The following NCKAP1 variants were observed in gnomAD, a reference collection of about 807,000 sequenced individuals.
NCKAP1 encodes NCK associated protein 1.
In NCKAP1, 21 loss-of-function variants were observed where a neutral mutation model predicts 151.2. The ratio of observed to expected loss-of-function variants is 0.14; its 90% CI spans 0.10 to 0.20. The LOEUF is 0.20. NCKAP1 is among the 10% of genes least tolerant of loss of function. NCKAP1 has a pLI of 1.00. For missense variants in NCKAP1, 933 were observed against 1,352.1 expected (o/e 0.69, Z 4.86); for synonymous variants, 484 against 451.8 (o/e 1.07, Z -0.90).
chr2:183,015,993 C>T (rs1350171942), intron 2 of NCKAP1, among the ~76,000 whole-genome samples: 1 of 151,986 alleles, frequency 6.6e-6, no homozygotes. Flanking sequence ...GTAAATTGAG[C>T]AAGCTAAATC....
intron 9 of NCKAP1, among the ~76,000 whole-genome samples, chr2:182,988,811 T>A (rs1698108500): frequency 6.6e-6 from 1 of 152,178 alleles, no homozygotes; most frequent in African/African-American, 2.4e-5. Context: ...AAAGGTCAGG[T>A]AACCTCAGTT....
rs776676496 is a variant in NCKAP1 at position 182,953,299 on chromosome 2, G to A, written c.2186C>T (p.Ala729Val). 5 of 1,613,284 alleles carry A rather than the reference G, an allele frequency of 3.1e-6. No homozygotes were observed. In the Admixed American group the frequency reaches 5.0e-5, roughly 16 times the overall value. ...TGAAGGTTTTGCAATTTCCTGTGTG[G>A]CTTGATTATACATAGTCATCCCAAC... Reference protein sequence around the residue: ...SIVGMTMYNQATQEIAKPSEL... With the variant: ...SIVGMTMYNQVTQEIAKPSEL... The change falls in exon 21 of 31, where the codon GCC becomes GTC. Residue 729 changes from alanine (A) to valine (V), a missense_variant. Around this residue, in one of 2 missense-constraint regions of NCKAP1, gnomAD observed 326 missense variants for 557.1 expected, o/e 0.59. Transcript: ENST00000361354.
rs1408097522 is a variant in NCKAP1 at position 182,924,453 on chromosome 2, A to C, written c.*1249T>G. 1 of 152,200 alleles carries C rather than the reference A, an allele frequency of 6.6e-6. No individual in the cohort carries two copies. Among genetic ancestry groups the C allele is most frequent in the African/African-American group, 2.4e-5 (1 of 41,452 alleles). The allele number at this position is 152,200 out of a possible 1,614,324, so 9.4% of individuals were successfully genotyped here. On this transcript the variant is annotated 3_prime_UTR_variant, in exon 31 of 31. Coordinates refer to ENST00000361354, the MANE Select transcript of NCKAP1 (RefSeq NM_013436.5). ...GAGCAAAACATTGGGTTAGTTTTCA[A>C]ACTAAATGAGCTGCTTTGCCCTCCA...
chr2:182,981,651 G>A (rs58515193), intron 12 of NCKAP1, among the ~76,000 whole-genome samples: 7,363 of 152,140 alleles, frequency 0.048, 587 homozygotes, highest in African/African-American at 0.17. Flanking sequence ...GCTCACGACT[G>A]TAATTACAGC....
chr2:182,929,017 GTAAAC>G (rs1050885681), intron 27 of NCKAP1, 118 bp from the exon 28 acceptor site: 1 of 639,258 alleles, frequency 1.6e-6, no homozygotes, highest in African/African-American at 1.9e-5. Flanking sequence ...TTTTGAAATA[GTAAAC>G]TATTTTACTA....
At position 182,964,568 on chromosome 2, in the gene NCKAP1, G is replaced by A. The variant is rs926152261; in HGVS notation, c.1761+108C>T. On this transcript the variant is annotated intron_variant, in intron 17 of 30. Transcript: ENST00000361354. Reference sequence around the variant, plus strand: ...TCTGATTCTGCATAGAGATGTATTCGATGGGAAGCTAAGTTAGCTAATTAT... The same window carrying A: ...TCTGATTCTGCATAGAGATGTATTCAATGGGAAGCTAAGTTAGCTAATTAT... The A allele has an allele frequency of 1.0e-5, 9 of 868,042 alleles. No homozygotes were observed. In the East Asian group the frequency reaches 1.5e-4, roughly 14 times the overall value. 53.8% of individuals were successfully genotyped at this position (868,042 alleles called of 1,614,324 possible).
At chr2:182,999,499 AAC>A (rs1238351011) in intron 6 of NCKAP1, among the ~76,000 whole-genome samples, 1 of 152,200 alleles carries the variant, frequency 6.6e-6, no homozygotes, top group Non-Finnish European at 1.5e-5. Context: ...TCAAAAAAAT[AAC>A]AGATGTTGGC....
intron 2 of NCKAP1, among the ~76,000 whole-genome samples, chr2:183,012,610 T>A (rs1260019620): frequency 6.7e-6 from 1 of 149,098 alleles, no homozygotes; most frequent in Non-Finnish European, 1.5e-5. Context: ...CTGTCACTCA[T>A]CCCCTTACGC....
rs573943700 is a variant in NCKAP1, at chr2:182,998,136, G to A, written c.604-2298C>T. Among the ~76,000 whole-genome samples, 8 of 152,172 alleles carry A rather than the reference G, an allele frequency of 5.3e-5. 1 individual carries two copies. The highest frequency in any genetic ancestry group is 1.4e-4 in the African/African-American group (6 of 41,502). On this transcript the variant is annotated intron_variant, in intron 6 of 30. Transcript: ENST00000361354. ...TCGATAAAATCCAATATCCCTTCACGATAAAATGTTCAACTAACTAGGCAT... is the reference window on the plus strand; with the variant it reads ...TCGATAAAATCCAATATCCCTTCACAATAAAATGTTCAACTAACTAGGCAT...
intron 19 of NCKAP1, chr2:182,957,179 AAC>A (rs1697344787): frequency 3.7e-6 from 1 of 268,336 alleles, no homozygotes; most frequent in African/African-American, 2.2e-5. Flanking sequence ...CTTATAATGT[AAC>A]ACACAAAATT....
intron 2 of NCKAP1, among the ~76,000 whole-genome samples, chr2:183,015,979 G>C (rs1366214839): frequency 6.6e-6 from 1 of 151,958 alleles, no homozygotes; most frequent in East Asian, 1.9e-4. Flanking sequence ...GGAAGTAAGG[G>C]GAAGTAAATT....
At chr2:182,932,285 CA>C (rs143184514) in intron 26 of NCKAP1, among the ~76,000 whole-genome samples, 2,940 of 152,034 alleles carry the variant, frequency 0.019, 89 homozygotes, top group African/African-American at 0.063. Context: ...CATTATTCAA[CA>C]ATCATTAAAA....
At position 182,962,190 on chromosome 2, in the gene NCKAP1, A is replaced by T; in HGVS notation, c.1850T>A (p.Ile617Asn). The change falls in exon 18 of 31, where the codon ATT (isoleucine) becomes AAT (asparagine). Residue 617 changes from isoleucine (I) to asparagine (N), a missense_variant. Ile to Asn is a moderately radical substitution (Grantham distance 149). This residue lies in a region of NCKAP1 where 607 missense variants were observed against 795.0 expected (regional missense o/e 0.76). Transcript: ENST00000361354. ...ACTAAGGGTACACTGTTCTGTGCAA[A>T]TATCAGTGATGAGATTTCGAGCTTG... ...AKQARNLITDICTEQCTLSDQ... is the reference protein window; with the variant it reads ...AKQARNLITDNCTEQCTLSDQ... The T allele has an allele frequency of 6.2e-7, 1 of 1,613,072 alleles. No homozygotes were observed. The highest frequency in any genetic ancestry group is 2.2e-5 in the East Asian group (1 of 44,826).
chr2:182,931,049 C>T (rs542728623), intron 26 of NCKAP1, among the ~76,000 whole-genome samples: 1 of 152,124 alleles, frequency 6.6e-6, no homozygotes, highest in South Asian at 2.1e-4. Context: ...CAGGATAATT[C>T]TAAAGTTATC....
At chr2:182,928,739 C>A in intron 28 of NCKAP1, 44 bp downstream of exon 28, 1 of 1,302,540 alleles carries the variant, frequency 7.7e-7, no homozygotes, top group Non-Finnish European at 1.1e-6. Context: ...AATACCAAAA[C>A]CCATGATTTA....
At chr2:182,984,423 GGTGT>G (rs4018678) in intron 10 of NCKAP1, among the ~76,000 whole-genome samples, 91,195 of 144,234 alleles carry the variant, frequency 0.63, 30,722 homozygotes, top group East Asian at 0.84. Flanking sequence ...TTTAGATTGG[GGTGT>G]GTGTGTGTGT....
intron 10 of NCKAP1, among the ~76,000 whole-genome samples, chr2:182,985,873 A>T (rs1473826436): frequency 6.6e-6 from 1 of 152,126 alleles, no homozygotes; most frequent in Non-Finnish European, 1.5e-5. Flanking sequence ...GTAGTAGTAC[A>T]AAAATCATAT....
intron 6 of NCKAP1, among the ~76,000 whole-genome samples, chr2:182,996,464 CT>C (rs1175564533): frequency 2.2e-4 from 32 of 147,374 alleles, no homozygotes; most frequent in Non-Finnish European, 2.4e-4. Context: ...AAGAGTGATT[CT>C]TTTTTTTTTT....
chr2:182,964,594 G>A, intron 17 of NCKAP1, 82 bp downstream of exon 17: 2 of 1,220,592 alleles, frequency 1.6e-6, no homozygotes, highest in South Asian at 2.2e-5. Context: ...AGCTAATTAT[G>A]ACTGTAAATA....
Sources: gnomAD v4.1 joint callset for allele counts (sites outside exome capture counted in the v4.1 genomes callset) on GRCh38, gnomAD v4.1.1 for gene constraint, gnomAD v4.1.1 regional missense constraint, MANE v1.5 for transcripts, NCBI Gene and HGNC (gene_info 2026-07-23, HGNC 2026-07-21) for gene names.